Variants in STK32B observed in about 807,000 individuals in gnomAD.
STK32B encodes the protein serine/threonine-protein kinase 32B.
A neutral mutation model predicts 52.6 loss-of-function variants in STK32B; 43 were observed. That is an observed-to-expected ratio of 0.82 (90% CI 0.64 to 1.05). STK32B has a LOEUF of 1.05. Ranked by LOEUF, STK32B falls within the 50% of genes least tolerant of loss-of-function variation. The pLI, the probability that STK32B is intolerant of heterozygous loss-of-function variation, is 0.00. For missense variants in STK32B, 621 were observed against 534.6 expected (o/e 1.16, Z -1.59); for synonymous variants, 238 against 204.3 (o/e 1.17, Z -1.41).
At chr4:5,231,471 G>A (rs1724262602) in intron 3 of STK32B, among the ~76,000 whole-genome samples, 1 of 152,106 alleles carries the variant, frequency 6.6e-6, no homozygotes, top group Admixed American at 6.6e-5. Flanking sequence ...AAGTAGCCAG[G>A]CATGGTGGTG....
At chr4:5,063,273 C>G (rs372405886) in intron 1 of STK32B, among the ~76,000 whole-genome samples, 1 of 152,126 alleles carries the variant, frequency 6.6e-6, no homozygotes, top group Non-Finnish European at 1.5e-5. Flanking sequence ...GTGACTCAGT[C>G]GACAAATGTG....
intron 3 of STK32B, among the ~76,000 whole-genome samples, chr4:5,264,905 A>G (rs996438653): frequency 6.6e-6 from 1 of 152,080 alleles, no homozygotes; most frequent in Admixed American, 6.6e-5. Flanking sequence ...TTTTTATTTT[A>G]TTAGTGACGT....
intron 7 of STK32B, among the ~76,000 whole-genome samples, chr4:5,449,691 C>T (rs974092718): frequency 1.3e-5 from 2 of 152,166 alleles, no homozygotes; most frequent in Admixed American, 1.3e-4. Flanking sequence ...TGCTCCCCGT[C>T]ACTCACATCA....
chr4:5,484,100 A>G (rs1718951053), intron 11 of STK32B, among the ~76,000 whole-genome samples: 2 of 152,196 alleles, frequency 1.3e-5, no homozygotes, highest in South Asian at 4.1e-4. Context: ...GATGTCTATT[A>G]GGTCCACTTG....
chr4:5,443,273 G>C (rs1714975174), intron 6 of STK32B, among the ~76,000 whole-genome samples: 1 of 147,876 alleles, frequency 6.8e-6, no homozygotes, highest in Non-Finnish European at 1.5e-5. Context: ...TTTTCACATA[G>C]TCCCATATTT....
the STK32B span, among the ~76,000 whole-genome samples, chr4:5,029,689 C>T: frequency 3.3e-5 from 5 of 152,178 alleles, no homozygotes; most frequent in African/African-American, 1.2e-4. Context: ...TTGTGAGAGC[C>T]AGAGCAGGGA....
At chr4:5,024,044 G>A in the STK32B span, among the ~76,000 whole-genome samples, 1 of 152,148 alleles carries the variant, frequency 6.6e-6, no homozygotes, top group Non-Finnish European at 1.5e-5. Flanking sequence ...AGGGAATCTG[G>A]AGCTCAGGAA....
chr4:5,321,811 A>T (rs577720332), intron 3 of STK32B, among the ~76,000 whole-genome samples: 2 of 152,196 alleles, frequency 1.3e-5, no homozygotes, highest in African/African-American at 4.8e-5. Flanking sequence ...TCCTGCCCCC[A>T]ACTGCCTCTG....
At chr4:5,317,104 T>C (rs1174795730) in intron 3 of STK32B, among the ~76,000 whole-genome samples, 1 of 55,162 alleles carries the variant, frequency 1.8e-5, no homozygotes, top group Non-Finnish European at 2.6e-5. Context: ...TATGATATAA[T>C]ATATAATATA....
chr4:5,322,328 C>A (rs1210764087), intron 3 of STK32B, among the ~76,000 whole-genome samples: 2 of 152,128 alleles, frequency 1.3e-5, no homozygotes, highest in African/African-American at 4.8e-5. Flanking sequence ...ATTCTTAGCT[C>A]CTCTCTTGCT....
At chr4:5,475,476 A>G (rs921251451) in intron 11 of STK32B, among the ~76,000 whole-genome samples, 6 of 147,876 alleles carry the variant, frequency 4.1e-5, no homozygotes, top group Non-Finnish European at 7.4e-5. Flanking sequence ...AGGTGGGCAG[A>G]TCACTTGAGG....
chr4:5,089,994 G>A (rs1249283155), intron 1 of STK32B, among the ~76,000 whole-genome samples: 1 of 152,020 alleles, frequency 6.6e-6, no homozygotes, highest in Non-Finnish European at 1.5e-5. Flanking sequence ...CATATGTTTG[G>A]TGGCTGCGTA....
chr4:5,154,385 T>A (rs556225602), intron 2 of STK32B, among the ~76,000 whole-genome samples: 1 of 152,224 alleles, frequency 6.6e-6, no homozygotes, highest in Non-Finnish European at 1.5e-5. Flanking sequence ...CCGGTTAATT[T>A]TGTATTTTTA....
intron 2 of STK32B, among the ~76,000 whole-genome samples, chr4:5,154,028 T>C (rs1048553984): frequency 6.6e-6 from 1 of 152,144 alleles, no homozygotes. Flanking sequence ...CTAGAAGAGC[T>C]AAAACAATTT....
rs140534643 is a variant in STK32B, at chr4:5,451,079, T to C, written c.666+4303T>C. On this transcript the variant is annotated intron_variant, in intron 7 of 11. Transcript: ENST00000282908. ...GGCCCACCTGCAGGGTCATGTGAGA[T>C]TACATGAGAAAATGTAATCAGGGCA... is the stretch of plus-strand genomic sequence containing the variant. Among the ~76,000 whole-genome samples the C allele has an allele frequency of 2.0e-3, 304 of 152,242 alleles. 1 individual carries two copies. The highest frequency in any genetic ancestry group is 6.8e-3 in the African/African-American group (282 of 41,526).
At chr4:5,241,886 T>C (rs892292190) in intron 3 of STK32B, among the ~76,000 whole-genome samples, 3 of 152,198 alleles carry the variant, frequency 2.0e-5, no homozygotes, top group Non-Finnish European at 4.4e-5. Context: ...TTCATCCATG[T>C]CCCTACAAAG....
At chr4:5,118,400 A>G (rs988079757) in intron 1 of STK32B, among the ~76,000 whole-genome samples, 2 of 152,204 alleles carry the variant, frequency 1.3e-5, no homozygotes, top group Admixed American at 1.3e-4. Flanking sequence ...CATCAGTTGT[A>G]ATGTAGATAC....
intron 3 of STK32B, among the ~76,000 whole-genome samples, chr4:5,317,495 A>G (rs1731165030): frequency 1.2e-5 from 1 of 82,804 alleles, no homozygotes; most frequent in Non-Finnish European, 2.2e-5. Context: ...TATATATAAT[A>G]TATATTATAT....
At chr4:5,195,101 C>T (rs1721533490) in intron 3 of STK32B, among the ~76,000 whole-genome samples, 2 of 152,068 alleles carry the variant, frequency 1.3e-5, no homozygotes, top group Admixed American at 1.3e-4. Context: ...ACAGGGTTGT[C>T]TCATTCTGTT....
Sources: gnomAD v4.1 joint callset for allele counts (sites outside exome capture counted in the v4.1 genomes callset) on GRCh38, gnomAD v4.1.1 for gene constraint, MANE v1.5 for transcripts, NCBI Gene and HGNC (gene_info 2026-07-23, HGNC 2026-07-21) for gene names.